The following TBC1D22A variants were observed in gnomAD, a reference collection of about 807,000 sequenced individuals.
The protein encoded by TBC1D22A is putative GTPase activator.
Under a neutral mutation model 60.2 loss-of-function variants are expected in TBC1D22A, and 38 were observed. The observed-to-expected ratio is 0.63, with a 90% CI of 0.49 to 0.83. The LOEUF (loss-of-function observed/expected upper bound fraction) is 0.83, where lower values mean the gene tolerates loss of function less well. Among genes scored for constraint, TBC1D22A ranks in the 40% least tolerant of loss-of-function variants. TBC1D22A has a pLI of 0.00. For synonymous variants in TBC1D22A, 302 were observed against 281.7 expected, an observed-to-expected ratio of 1.07 and a Z score of -0.72; for missense variants, 628 against 701.0, an observed-to-expected ratio of 0.90 and a Z score of 1.18.
At chr22:47,029,780 TC>T (rs1170902060) in intron 10 of TBC1D22A, among the ~76,000 whole-genome samples, 1 of 152,332 alleles carries the variant, frequency 6.6e-6, no homozygotes, top group Non-Finnish European at 1.5e-5. Context: ...TCTCTCCTGT[TC>T]CCTTCCAGCT....
At chr22:46,929,508 C>T (rs920148199) in intron 8 of TBC1D22A, among the ~76,000 whole-genome samples, 1 of 152,190 alleles carries the variant, frequency 6.6e-6, no homozygotes, top group Non-Finnish European at 1.5e-5. Context: ...AGATGTACTT[C>T]ATTCATGGAT....
chr22:46,863,162 C>T (rs148750488), intron 4 of TBC1D22A, among the ~76,000 whole-genome samples: 12 of 152,254 alleles, frequency 7.9e-5, no homozygotes, highest in Middle Eastern at 3.4e-3. Context: ...AGGCAACATG[C>T]GCCCCGTCCT....
At chr22:46,951,027 T>C (rs2072872248) in intron 8 of TBC1D22A, among the ~76,000 whole-genome samples, 1 of 152,224 alleles carries the variant, frequency 6.6e-6, no homozygotes, top group Non-Finnish European at 1.5e-5. Context: ...CATAGGCGCA[T>C]GTTTGTGGAC....
chr22:47,045,146 C>T (rs768214127), intron 11 of TBC1D22A, among the ~76,000 whole-genome samples: 3 of 152,316 alleles, frequency 2.0e-5, no homozygotes, highest in South Asian at 4.1e-4. Context: ...GGCGCTGACT[C>T]GTACATTTAT....
intron 7 of TBC1D22A, among the ~76,000 whole-genome samples, chr22:46,904,142 T>TCTGCCTACCTACCTACCTACCTACCTAC (rs369598619): frequency 1.3e-4 from 18 of 134,574 alleles, no homozygotes; most frequent in African/African-American, 4.7e-4. Flanking sequence ...TATCTATCTA[T>TCTGCCTACCTACCTACCTACCTACCTAC]CTACCTACCT....
chr22:46,835,369 A>G (rs1360268470), intron 4 of TBC1D22A, among the ~76,000 whole-genome samples: 3 of 152,230 alleles, frequency 2.0e-5, no homozygotes, highest in African/African-American at 7.2e-5. Flanking sequence ...TAATATATGA[A>G]CAAAAATGGG....
At chr22:47,107,804 G>A (rs2065691852) in intron 11 of TBC1D22A, among the ~76,000 whole-genome samples, 1 of 152,238 alleles carries the variant, frequency 6.6e-6, no homozygotes, top group Non-Finnish European at 1.5e-5. Flanking sequence ...TAGTCTTTCA[G>A]CAAATTGCTG....
At chr22:47,118,800 CACACACACACACAT>C (rs2066165440) in intron 12 of TBC1D22A, among the ~76,000 whole-genome samples, 1 of 125,810 alleles carries the variant, frequency 7.9e-6, no homozygotes, top group Non-Finnish European at 1.7e-5. Flanking sequence ...TACACACACA[CACACACACACACAT>C]ACATTTAAAA....
At chr22:47,130,429 C>CA (rs1291079489) in intron 12 of TBC1D22A, among the ~76,000 whole-genome samples, 4 of 151,820 alleles carry the variant, frequency 2.6e-5, no homozygotes, top group Non-Finnish European at 4.4e-5. Flanking sequence ...ATGAGCCTGG[C>CA]AGGGACCTAC....
intron 9 of TBC1D22A, among the ~76,000 whole-genome samples, chr22:46,992,602 C>T (rs1474575432): frequency 6.6e-6 from 1 of 152,252 alleles, no homozygotes; most frequent in Admixed American, 6.5e-5. Flanking sequence ...TTGACTCCTT[C>T]GCACACATCG....
intron 9 of TBC1D22A, among the ~76,000 whole-genome samples, chr22:46,992,084 G>A (rs1441821750): frequency 6.6e-6 from 1 of 152,216 alleles, no homozygotes; most frequent in African/African-American, 2.4e-5. Context: ...TGAACAGAAG[G>A]GTCCTGTCTG....
intron 10 of TBC1D22A, among the ~76,000 whole-genome samples, chr22:47,031,608 C>G (rs1263180465): frequency 6.6e-6 from 1 of 152,210 alleles, no homozygotes; most frequent in African/African-American, 2.4e-5. Flanking sequence ...TGGGTCCATG[C>G]TCAGCTCTGG....
At chr22:46,882,847 C>A (rs1004589118) in intron 5 of TBC1D22A, among the ~76,000 whole-genome samples, 10 of 152,156 alleles carry the variant, frequency 6.6e-5, no homozygotes, top group Admixed American at 1.3e-4. Flanking sequence ...CATCATGACT[C>A]TTTTTCATTG....
chr22:46,863,943 G>A (rs1012478564), intron 4 of TBC1D22A, among the ~76,000 whole-genome samples: 6 of 152,130 alleles, frequency 3.9e-5, no homozygotes, highest in Non-Finnish European at 7.4e-5. Flanking sequence ...TCAGCATCTA[G>A]CATTGTACAG....
intron 7 of TBC1D22A, among the ~76,000 whole-genome samples, chr22:46,906,650 T>C (rs1486260569): frequency 6.6e-6 from 1 of 152,076 alleles, no homozygotes; most frequent in African/African-American, 2.4e-5. Flanking sequence ...AAGAAACAGC[T>C]CTCCACCTAC....
rs2068390393 is a variant in TBC1D22A at position 46,891,256 on chromosome 22, T to G, written c.709-10T>G. On this transcript the variant is annotated splice_polypyrimidine_tract_variant and intron_variant, in intron 5 of 12. Transcript: ENST00000337137. ...TAACCATGTATATTTTTTGTTTATT[T>G]CTCACCCAGGGTTACCTTCCCGCCA... 6.3e-7 allele frequency: 1 copy of G among 1,596,814 alleles called. No individual in the cohort carries two copies. Among genetic ancestry groups the G allele is most frequent in the African/African-American group, 1.4e-5 (1 of 73,588 alleles).
intron 11 of TBC1D22A, among the ~76,000 whole-genome samples, chr22:47,045,344 T>A (rs2148424306): frequency 6.6e-6 from 1 of 152,222 alleles, no homozygotes; most frequent in South Asian, 2.1e-4. Context: ...ATGCGACTTC[T>A]CTCTGAGAAG....
At chr22:47,033,683 G>A (rs1416250316) in intron 10 of TBC1D22A, among the ~76,000 whole-genome samples, 3 of 152,230 alleles carry the variant, frequency 2.0e-5, no homozygotes, top group African/African-American at 7.2e-5. Flanking sequence ...GCATCCAGGA[G>A]TTTTGACGTC....
At chr22:46,891,964 A>G (rs138612646) in intron 6 of TBC1D22A, among the ~76,000 whole-genome samples, 1 of 152,348 alleles carries the variant, frequency 6.6e-6, no homozygotes, top group East Asian at 1.9e-4. Context: ...GTGTCTAATT[A>G]TGGTTTCTTA....
Sources: allele counts gnomAD v4.1 joint callset (sites outside exome capture counted in the v4.1 genomes callset), GRCh38; gene constraint gnomAD v4.1.1; transcripts MANE v1.5; gene names NCBI Gene and HGNC (gene_info 2026-07-23, HGNC 2026-07-21).